RNH1: variants seen among roughly 807,000 people sequenced by gnomAD.
RNH1 encodes the protein ribonuclease/angiogenin inhibitor 1, also known as ribonuclease inhibitor.
Under a neutral mutation model 46.1 loss-of-function variants are expected in RNH1, and 38 were observed. That is an observed-to-expected ratio of 0.82 (90% CI 0.64 to 1.08). RNH1 has a LOEUF of 1.08. Among genes scored for constraint, RNH1 ranks in the 50% least tolerant of loss-of-function variants. The pLI is 0.00. For missense variants in RNH1, 577 were observed against 590.7 expected (o/e 0.98, Z 0.24); for synonymous variants, 319 against 279.1 (o/e 1.14, Z -1.43).
intron 9 of RNH1, among the ~76,000 whole-genome samples, chr11:497,373 A>C (rs922961541): frequency 2.4e-5 from 3 of 123,278 alleles, no homozygotes; most frequent in Non-Finnish European, 4.9e-5. Flanking sequence ...TCACTCACCC[A>C]TGTGCTCACA....
Position 494,523 on chromosome 11 carries a change from A to G in RNH1, c.*168T>C, listed in dbSNP as rs1848858989. Reference sequence around the variant, plus strand: ...AGGACAAGAGCCTCTCCTGCCAAGAAAGTGCTTTAATGATTATAAAGTGTC... The same window carrying G: ...AGGACAAGAGCCTCTCCTGCCAAGAGAGTGCTTTAATGATTATAAAGTGTC... On this transcript the variant is annotated 3_prime_UTR_variant, in exon 11 of 11. Coordinates refer to ENST00000354420, the MANE Select transcript of RNH1 (RefSeq NM_203387.3). The G allele has an allele frequency of 7.5e-6, 5 of 665,768 alleles. No individual in the cohort carries two copies. The East Asian group carries it at 1.3e-4, about 17-fold the overall frequency. 41.2% of individuals were successfully genotyped at this position (665,768 alleles called of 1,614,324 possible).
Position 499,885 on chromosome 11 carries a change from G to A in RNH1, c.387C>T (p.Gly129=), listed in dbSNP as rs1849583118. The A allele has an allele frequency of 6.2e-7, 1 of 1,613,150 alleles. No homozygotes were observed. The highest frequency in any genetic ancestry group is 8.5e-7 in the Non-Finnish European group (1 of 1,179,924). ...HLSDNLLGDA[G]LQLLCEGLLD... ...GGAGTCCTTCGCAGAGCAGCTGCAGGCCCGCATCCCCCAAGAGGTTGTCGC... is the reference window on the plus strand; with the variant it reads ...GGAGTCCTTCGCAGAGCAGCTGCAGACCCGCATCCCCCAAGAGGTTGTCGC... The change falls in exon 5 of 11, where the codon GGC becomes GGT. Residue 129 remains glycine (G), a synonymous_variant. Transcript: ENST00000354420.
chr11:501,997 G>A lies in RNH1; in HGVS notation c.101+65C>T, dbSNP rs1849789183. The A allele has an allele frequency of 1.8e-6, 2 of 1,131,912 alleles. No homozygotes were observed. Among genetic ancestry groups the A allele is most frequent in the Admixed American group, 1.9e-5 (1 of 51,904 alleles). 70.1% of individuals were successfully genotyped at this position (1,131,912 alleles called of 1,614,324 possible). ...GCGTTCCAGAGCAATGCACCCTTCA[G>A]AGGGAGCCGCCACCCGCCAGCCTGC... On this transcript the variant is annotated intron_variant, in intron 3 of 10. Transcript: ENST00000354420. The surrounding 1 kb of genome is among the most constrained non-coding windows in gnomAD (Gnocchi z 4.1).
intron 3 of RNH1, 112 bp from the exon 4 acceptor site, chr11:500,766 G>C: frequency 9.0e-7 from 1 of 1,107,854 alleles, no homozygotes; most frequent in Non-Finnish European, 1.3e-6. Context: ...AGACAGCAAG[G>C]CAAGTCACAC....
In RNH1 at chr11:499,043, C is replaced by G. The variant is rs908171951; in HGVS notation, c.586G>C (p.Asp196His). 3 of 1,613,118 alleles carry G rather than the reference C, an allele frequency of 1.9e-6. No homozygotes were observed. ...AGCGCCTCCAGCTGGCAGGGGGAGT[C>G]CTTCAGGCCCTGGCACAGCACACGG... Reference protein sequence around the residue: ...GVRVLCQGLKDSPCQLEALKL... With the variant: ...GVRVLCQGLKHSPCQLEALKL... The change falls in exon 6 of 11, where the codon GAC becomes CAC. Residue 196 changes from aspartate (D) to histidine (H), a missense_variant. By Grantham distance (81) the Asp-to-His change is moderately conservative. Transcript: ENST00000354420.
At chr11:496,281 C>G (rs773724616) in intron 9 of RNH1, among the ~76,000 whole-genome samples, 1 of 152,192 alleles carries the variant, frequency 6.6e-6, no homozygotes, top group South Asian at 2.1e-4. Context: ...CGCCTGTAAT[C>G]GCAGCACTTT....
At position 498,748 on chromosome 11, in the gene RNH1, G is replaced by A. The variant is rs748200649; in HGVS notation, c.785+15C>T. 3.0e-5 allele frequency: 47 copies of A among 1,592,176 alleles called. No individual in the cohort carries two copies. Among genetic ancestry groups the A allele is most frequent in the Non-Finnish European group, 3.2e-5 (37 of 1,172,120 alleles). On this transcript the variant is annotated intron_variant, in intron 7 of 10. Transcript: ENST00000354420. ...CCCGACCCTCCGGGAAGGAGGCCTC[G>A]CGGAGATGACTCACCACAGGGTCCT...
rs570911161 is a variant in RNH1 at position 497,316 on chromosome 11, C to T, written c.1127+655G>A. Among the ~76,000 whole-genome samples, 5 of 150,050 alleles carry T rather than the reference C, an allele frequency of 3.3e-5. No individual in the cohort carries two copies. The East Asian group carries it at 6.0e-4, about 18-fold the overall frequency. ...TCATTCTTGCCCATGTGCTCACACACGGACCCTCGTGCTCACTCTCACGTG... is the reference window on the plus strand; with the variant it reads ...TCATTCTTGCCCATGTGCTCACACATGGACCCTCGTGCTCACTCTCACGTG... On this transcript the variant is annotated intron_variant, in intron 9 of 10. Transcript: ENST00000354420.
Position 494,767 on chromosome 11 carries a change from A to G in RNH1, c.1310T>C (p.Ile437Thr). ...GTCCTCCATCTCCTCAGACCAGTAAATGTCGTACAGGCTGCACACAGGCCA... is the reference window on the plus strand; with the variant it reads ...GTCCTCCATCTCCTCAGACCAGTAAGTGTCGTACAGGCTGCACACAGGCCA... ...CLLEQLVLYD[I>T]YWSEEMEDRL... The change falls in exon 11 of 11, where the codon ATT (isoleucine) becomes ACT (threonine). Residue 437 changes from isoleucine to threonine, a missense_variant. Ile to Thr is a moderately conservative substitution (Grantham distance 89). Transcript: ENST00000354420. 1 of 1,613,930 alleles carries G rather than the reference A, an allele frequency of 6.2e-7. No individual in the cohort carries two copies. The highest frequency in any genetic ancestry group is 1.1e-5 in the South Asian group (1 of 91,088).
intron 9 of RNH1, 51 bp from the exon 10 acceptor site, chr11:495,104 C>G: frequency 1.3e-6 from 2 of 1,553,232 alleles, no homozygotes; most frequent in Non-Finnish European, 1.7e-6. Flanking sequence ...TGGCACCGCA[C>G]TGACCGGCAG....
At chr11:496,506 A>G (rs868429422) in intron 9 of RNH1, among the ~76,000 whole-genome samples, 6 of 152,198 alleles carry the variant, frequency 3.9e-5, no homozygotes, top group Admixed American at 2.0e-4. Flanking sequence ...CATCTCTACT[A>G]AAAGTACAAA....
At chr11:500,749 GC>G in intron 3 of RNH1, 95 bp from the exon 4 acceptor site, 1 of 1,321,884 alleles carries the variant, frequency 7.6e-7, no homozygotes, top group Non-Finnish European at 1.1e-6. Context: ...CTATCAGTGG[GC>G]CCAGAAGACA....
rs1194598499 is a variant in RNH1, at chr11:494,715, C to T, written c.1362G>A (p.Lys454=). The T allele has an allele frequency of 6.2e-7, 1 of 1,613,860 alleles. No individual in the cohort carries two copies. Among genetic ancestry groups the T allele is most frequent in the Non-Finnish European group, 8.5e-7 (1 of 1,179,996 alleles). ...EDRLQALEKD[K]PSLRVIS is the part of the protein sequence containing the mutation. ...CTCAGGAGATGACCCTCAGGGATGGCTTGTCCTTCTCCAGGGCCTGCAGCC... is the reference window on the plus strand; with the variant it reads ...CTCAGGAGATGACCCTCAGGGATGGTTTGTCCTTCTCCAGGGCCTGCAGCC... The change falls in exon 11 of 11, where the codon AAG becomes AAA. Residue 454 remains lysine (K), a synonymous_variant. Transcript: ENST00000354420.
At position 494,954 on chromosome 11, in the gene RNH1, G is replaced by A. The variant is rs1446786157; in HGVS notation, c.1227C>T (p.Cys409=). The A allele has an allele frequency of 2.5e-6, 4 of 1,607,562 alleles. No homozygotes were observed. The highest frequency in any genetic ancestry group is 1.7e-4 in the Middle Eastern group (1 of 6,050). The change falls in exon 10 of 11, where the codon TGC becomes TGT. Residue 409 remains cysteine, a synonymous_variant. Transcript: ENST00000354420. ...GCTGCAGGATGCCGGCGTCCCCCAG[G>A]CAGTTGTTGCTGAGGTCCAGCTCAC... is the stretch of plus-strand genomic sequence containing the variant. ...SLRELDLSNN[C]LGDAGILQLV...
chr11:502,388 C>T lies in RNH1; in HGVS notation c.-87-139G>A, dbSNP rs1372455341. 6.9e-6 allele frequency: 4 copies of T among 582,654 alleles called. No homozygotes were observed. The highest frequency in any genetic ancestry group is 1.9e-5 in the African/African-American group (1 of 53,748). The allele number at this position is 582,654 out of a possible 1,614,324, so 36.1% of individuals were successfully genotyped here. On this transcript the variant is annotated intron_variant, in intron 2 of 10. Transcript: ENST00000354420. This position sits in a 1 kb window ranked among gnomAD's most constrained non-coding sequence, Gnocchi z 5.8. ...GTGGGGCAGGGGGCAGGGACCAGCA[C>T]CCACCCCCAGAAAGGCCACCATGGG...
At chr11:505,558 C>T (rs976508881) in intron 1 of RNH1, 3 of 152,184 alleles carry the variant, frequency 2.0e-5, no homozygotes, top group African/African-American at 7.2e-5. Flanking sequence ...CTAAAACTCA[C>T]TTCGGGCTTC....
chr11:495,785 G>C (rs953963266), intron 9 of RNH1, among the ~76,000 whole-genome samples: 2 of 152,156 alleles, frequency 1.3e-5, no homozygotes, highest in Non-Finnish European at 2.9e-5. Context: ...GGAAGCCCTC[G>C]AGAAACGCAG....
chr11:500,549 G>A lies in RNH1; in HGVS notation c.207C>T (p.Gly69=), dbSNP rs139682325. The A allele has an allele frequency of 2.2e-4, 352 of 1,610,692 alleles. No individual in the cohort carries two copies. The highest frequency in any genetic ancestry group is 2.8e-4 in the Non-Finnish European group (332 of 1,180,002). ...AELNLRSNEL[G]DVGVHCVLQG... is the part of the protein sequence containing the mutation. ...GGAGCACGCAATGCACGCCGACATCGCCCAGCTCGTTGCTGCGCAGGTTGA... is the reference window on the plus strand; with the variant it reads ...GGAGCACGCAATGCACGCCGACATCACCCAGCTCGTTGCTGCGCAGGTTGA... Residue 69 remains glycine (G), a synonymous_variant, in exon 4 of 11, where the codon GGC becomes GGT. Coordinates refer to ENST00000354420, the MANE Select transcript of RNH1 (RefSeq NM_203387.3).
At chr11:500,106 T>C (rs1849606167) in intron 4 of RNH1, 107 bp from the exon 5 acceptor site, 1 of 1,262,062 alleles carries the variant, frequency 7.9e-7, no homozygotes, top group Non-Finnish European at 1.1e-6. Context: ...GGCAGGTCTA[T>C]ACCTGCTCCT....
Sources: gnomAD v4.1 joint callset for allele counts (sites outside exome capture counted in the v4.1 genomes callset) on GRCh38, gnomAD v4.1.1 for gene constraint, Gnocchi (gnomAD v3.1) non-coding constraint, MANE v1.5 for transcripts, NCBI Gene and HGNC (gene_info 2026-07-23, HGNC 2026-07-21) for gene names.